The following MYO1B variants were observed in gnomAD, a reference collection of about 807,000 sequenced individuals.
MYO1B encodes unconventional myosin-Ib.
Under a neutral mutation model 159.7 loss-of-function variants are expected in MYO1B, and 72 were observed. That is an observed-to-expected ratio of 0.45 (90% CI 0.37 to 0.55). The LOEUF (loss-of-function observed/expected upper bound fraction) is 0.55. MYO1B is among the 20% of genes least tolerant of loss of function. The pLI is 0.00. For missense variants in MYO1B, 1,062 were observed against 1,364.8 expected (o/e 0.78, Z 3.50); for synonymous variants, 468 against 473.8 (o/e 0.99, Z 0.16).
chr2:191,413,144 A>G (rs552995588), intron 27 of MYO1B, among the ~76,000 whole-genome samples: 2 of 152,340 alleles, frequency 1.3e-5, no homozygotes, highest in South Asian at 2.1e-4. Flanking sequence ...TGCAAGCGTA[A>G]TGTATAAAAT....
At chr2:191,283,229 G>GT (rs1688169525) in intron 2 of MYO1B, among the ~76,000 whole-genome samples, 3 of 152,194 alleles carry the variant, frequency 2.0e-5, no homozygotes, top group Admixed American at 1.3e-4. Context: ...AACTTAGAGA[G>GT]TTTTTTCATC....
intron 27 of MYO1B, among the ~76,000 whole-genome samples, chr2:191,412,905 C>T (rs1327202564): frequency 6.6e-6 from 1 of 152,142 alleles, no homozygotes; most frequent in African/African-American, 2.4e-5. Flanking sequence ...CATTTAGAGG[C>T]ATATTCTAGG....
intron 3 of MYO1B, among the ~76,000 whole-genome samples, chr2:191,314,615 G>C (rs1467162230): frequency 6.6e-6 from 1 of 152,156 alleles, no homozygotes; most frequent in Non-Finnish European, 1.5e-5. Flanking sequence ...AATGTTTTTG[G>C]ATTCAACTCT....
intron 3 of MYO1B, among the ~76,000 whole-genome samples, chr2:191,312,206 T>A (rs769123678): frequency 6.6e-6 from 1 of 152,234 alleles, no homozygotes; most frequent in Non-Finnish European, 1.5e-5. Context: ...GAAATTGAGT[T>A]CGATAAATTT....
intron 3 of MYO1B, among the ~76,000 whole-genome samples, chr2:191,313,368 G>T (rs1313721525): frequency 1.4e-5 from 2 of 144,850 alleles, no homozygotes; most frequent in African/African-American, 5.1e-5. Flanking sequence ...CCGCCACCAC[G>T]CCTGGCTAAT....
At chr2:191,402,813 G>T in intron 24 of MYO1B, 95 bp downstream of exon 24, 1 of 895,360 alleles carries the variant, frequency 1.1e-6, no homozygotes, top group Non-Finnish European at 1.7e-6. Context: ...CTTGCTGATG[G>T]TCTGCACAGT....
At chr2:191,315,804 C>T (rs971081111) in intron 3 of MYO1B, among the ~76,000 whole-genome samples, 4 of 152,112 alleles carry the variant, frequency 2.6e-5, no homozygotes, top group Non-Finnish European at 4.4e-5. Context: ...TTAGGAAAAG[C>T]GAATCTATAA....
chr2:191,371,845 C>G lies in MYO1B; in HGVS notation c.1185+1553C>G, dbSNP rs73060753. On this transcript the variant is annotated intron_variant, in intron 13 of 30. Coordinates refer to ENST00000392318, the MANE Select transcript of MYO1B (RefSeq NM_001130158.3). The stretch of plus-strand genomic sequence containing the variant: ...TGTGCTGGTGGCTTCCCCATGGGGT[C>G]CCCAGAACAGAGGTCTTCAACACAG... 9.4e-3 allele frequency among the ~76,000 whole-genome samples: 1,430 copies of G among 152,220 alleles called. 24 individuals carry two copies. Among genetic ancestry groups the G allele is most frequent in the African/African-American group, 0.033 (1,362 of 41,544 alleles).
At chr2:191,296,323 T>A in intron 3 of MYO1B, 97 bp downstream of exon 3, 2 of 395,284 alleles carry the variant, frequency 5.1e-6, no homozygotes, top group African/African-American at 5.8e-5. Context: ...CAGAATAATG[T>A]TTTTGTCAGT....
chr2:191,272,602 T>A (rs1024287831), intron 1 of MYO1B, among the ~76,000 whole-genome samples: 4 of 152,232 alleles, frequency 2.6e-5, no homozygotes, highest in Admixed American at 2.6e-4. Flanking sequence ...GAGTGAGCCC[T>A]CTGAGCAGTG....
At chr2:191,248,744 G>C (rs946894301) in intron 1 of MYO1B, among the ~76,000 whole-genome samples, 4 of 152,218 alleles carry the variant, frequency 2.6e-5, no homozygotes, top group African/African-American at 9.7e-5. Flanking sequence ...CTAAGTGGTG[G>C]AAGTGCGATT....
chr2:191,248,324 T>G (rs1436113825), intron 1 of MYO1B, among the ~76,000 whole-genome samples: 1 of 152,228 alleles, frequency 6.6e-6, no homozygotes, highest in Non-Finnish European at 1.5e-5. Flanking sequence ...ACCGTACAGA[T>G]GCTCCTAGAT....
chr2:191,375,876 T>C (rs903158185), intron 13 of MYO1B, among the ~76,000 whole-genome samples: 1 of 151,876 alleles, frequency 6.6e-6, no homozygotes, highest in Non-Finnish European at 1.5e-5. Context: ...GGAGAATCAC[T>C]TGAACCCGGG....
At position 191,414,624 on chromosome 2, in the gene MYO1B, A is replaced by G. The variant is rs1228866869; in HGVS notation, c.3114A>G (p.Ser1038=). 6.2e-7 allele frequency: 1 copy of G among 1,613,400 alleles called. No individual in the cohort carries two copies. The highest frequency in any genetic ancestry group is 1.3e-5 in the African/African-American group (1 of 74,932). Residue 1038 remains serine (S), a synonymous_variant, in exon 29 of 31, where the codon TCA becomes TCG. Coordinates refer to ENST00000392318, the MANE Select transcript of MYO1B (RefSeq NM_001130158.3). The part of the protein sequence containing the change: ...EVPLVDVTKV[S]MSSQNDGFFA... ...CATTGGTGGATGTGACCAAGGTATC[A>G]ATGAGCTCACAAAATGATGGCTTCT...
chr2:191,300,234 A>T (rs1036416987), intron 3 of MYO1B, among the ~76,000 whole-genome samples: 2 of 152,202 alleles, frequency 1.3e-5, no homozygotes, highest in African/African-American at 4.8e-5. Context: ...TCATGAATTT[A>T]GTTCCAGTTT....
rs758016366 is a variant in MYO1B, at chr2:191,402,629, T to C, written c.2470-3T>C. ...CTTTTATTTACTATCTAAAACATTC[T>C]AGGCTCGAAGGGAATTGAAACGCTT... is the stretch of plus-strand genomic sequence containing the variant. On this transcript the variant is annotated splice_polypyrimidine_tract_variant and splice_region_variant and intron_variant, in intron 23 of 30. Transcript: ENST00000392318. 1 of 1,613,208 alleles carries C rather than the reference T, an allele frequency of 6.2e-7. No individual in the cohort carries two copies. The highest frequency in any genetic ancestry group is 1.1e-5 in the South Asian group (1 of 90,816).
chr2:191,419,134 C>A (rs10189822), intron 30 of MYO1B, among the ~76,000 whole-genome samples: 133,321 of 152,272 alleles, frequency 0.88, 59,761 homozygotes, highest in Non-Finnish European at 0.98. Flanking sequence ...TGCCAGTTGT[C>A]TACAAGTAAA....
At chr2:191,308,859 A>T (rs904488213) in intron 3 of MYO1B, among the ~76,000 whole-genome samples, 1 of 152,144 alleles carries the variant, frequency 6.6e-6, no homozygotes, top group Admixed American at 6.5e-5. Flanking sequence ...TCCTTCCTGG[A>T]ACCCTTTTAA....
chr2:191,385,045 T>TG (rs1271013070), intron 15 of MYO1B, among the ~76,000 whole-genome samples: 1 of 152,004 alleles, frequency 6.6e-6, no homozygotes, highest in Non-Finnish European at 1.5e-5. Context: ...TTTGCCTGGG[T>TG]GGAAGTAGGT....
Sources: allele counts gnomAD v4.1 joint callset (sites outside exome capture counted in the v4.1 genomes callset), GRCh38; gene constraint gnomAD v4.1.1; transcripts MANE v1.5; gene names NCBI Gene and HGNC (gene_info 2026-07-23, HGNC 2026-07-21).